Variants in TDRD5 observed in about 807,000 individuals in gnomAD.
TDRD5 encodes tudor domain containing 5.
Under a neutral mutation model 120.6 loss-of-function variants are expected in TDRD5, and 41 were observed. That is an observed-to-expected ratio of 0.34 (90% CI 0.26 to 0.44). The LOEUF (loss-of-function observed/expected upper bound fraction) is 0.44. TDRD5 is among the 20% of genes least tolerant of loss of function. TDRD5 has a pLI of 1.00. For missense variants in TDRD5, 1,006 were observed against 1,221.2 expected (o/e 0.82, Z 2.63); for synonymous variants, 430 against 433.7 (o/e 0.99, Z 0.11).
intron 15 of TDRD5, 27 bp downstream of exon 15, chr1:179,662,313 A>T (rs1304736182): frequency 6.3e-7 from 1 of 1,594,670 alleles, no homozygotes; most frequent in East Asian, 2.3e-5. Context: ...AATAGAAAGC[A>T]AATCAGGCCG....
intron 17 of TDRD5, among the ~76,000 whole-genome samples, chr1:179,683,920 C>T (rs1426065433): frequency 6.6e-6 from 1 of 152,098 alleles, no homozygotes; most frequent in Non-Finnish European, 1.5e-5. Context: ...AGACCAGCTA[C>T]GAGTACACAT....
intron 17 of TDRD5, among the ~76,000 whole-genome samples, chr1:179,678,085 A>G (rs934688445): frequency 2.7e-5 from 4 of 149,408 alleles, no homozygotes; most frequent in Admixed American, 1.3e-4. Flanking sequence ...TGCGGCTGCT[A>G]TGGGGGTGGG....
chr1:179,662,120 G>A lies in TDRD5; in HGVS notation c.2339G>A (p.Gly780Glu), dbSNP rs200481148. The A allele has an allele frequency of 4.5e-5, 71 of 1,577,674 alleles. No individual in the cohort carries two copies. Among genetic ancestry groups the A allele is most frequent in the Non-Finnish European group, 5.6e-5 (65 of 1,165,262 alleles). ...KEENEDEIPT[G>E]MPCLESVTIG... ...ACATTTTAGGATGAGATCCCCACTG[G>A]AATGCCATGCCTGGAGTCAGTGACC... Residue 780 changes from glycine (G) to glutamate (E), a missense_variant, in exon 15 of 18, where the codon GGA (glycine) becomes GAA (glutamate). Physicochemically the swap from Gly to Glu is moderately conservative, Grantham distance 98. Around this residue, in one of 3 missense-constraint regions of TDRD5, gnomAD observed 403 missense variants for 448.1 expected, o/e 0.90. Transcript: ENST00000444136.
At chr1:179,688,937 C>T (rs933119644) in intron 17 of TDRD5, among the ~76,000 whole-genome samples, 1 of 152,140 alleles carries the variant, frequency 6.6e-6, no homozygotes, top group African/African-American at 2.4e-5. Context: ...TTCTAGTTAG[C>T]CATTCATCTA....
chr1:179,631,266 C>T (rs925593924), intron 7 of TDRD5, among the ~76,000 whole-genome samples: 5 of 152,100 alleles, frequency 3.3e-5, no homozygotes, highest in South Asian at 2.1e-4. Context: ...GTGGTGGGCG[C>T]CTGTAGTCCC....
chr1:179,597,822 T>C (rs1219767632), intron 4 of TDRD5, among the ~76,000 whole-genome samples: 6 of 145,710 alleles, frequency 4.1e-5, no homozygotes, highest in East Asian at 1.9e-4. Context: ...CCTTATTAAT[T>C]TGGCACCTCC....
At chr1:179,620,904 C>A (rs946908454) in intron 5 of TDRD5, 131 bp from the exon 6 acceptor site, 393 of 586,880 alleles carry the variant, frequency 6.7e-4, no homozygotes, top group East Asian at 1.5e-3. Flanking sequence ...CAAAAAAAAA[C>A]AATTTAATAT....
At chr1:179,605,630 C>T (rs1266339995) in intron 4 of TDRD5, among the ~76,000 whole-genome samples, 2 of 152,154 alleles carry the variant, frequency 1.3e-5, no homozygotes, top group Non-Finnish European at 2.9e-5. Flanking sequence ...TCATCTGTCT[C>T]GTCTCTTAAT....
intron 4 of TDRD5, among the ~76,000 whole-genome samples, chr1:179,615,508 A>G (rs12038691): frequency 0.038 from 5,774 of 152,248 alleles, 173 homozygotes; most frequent in East Asian, 0.11. Context: ...CTATCTGAAT[A>G]TAGCATATTT....
chr1:179,650,138 C>T lies in TDRD5; in HGVS notation c.1801-729C>T, dbSNP rs144112181. ...TCCTGTTAGACCATCTGGTGGCTCA[C>T]GCCTGTAATCCTAGAACCTTGGGAG... On this transcript the variant is annotated intron_variant, in intron 11 of 17. Coordinates refer to ENST00000444136, the MANE Select transcript of TDRD5 (RefSeq NM_001199085.3). Among the ~76,000 whole-genome samples, 34 of 152,224 alleles carry T rather than the reference C, an allele frequency of 2.2e-4. No homozygotes were observed. In the East Asian group the frequency reaches 6.2e-3, roughly 28 times the overall value.
At position 179,690,995 on chromosome 1, in the gene TDRD5, G is replaced by C; in HGVS notation, c.*52G>C. 6.4e-7 allele frequency: 1 copy of C among 1,560,810 alleles called. No homozygotes were observed. The highest frequency in any genetic ancestry group is 8.6e-7 in the Non-Finnish European group (1 of 1,157,440). The stretch of plus-strand genomic sequence containing the variant: ...AGAATCCAGCCGCTTAGGCTTTGAT[G>C]AACTCCCAGGCCAAAATGAGGAGTT... On this transcript the variant is annotated 3_prime_UTR_variant, in exon 18 of 18. Coordinates refer to ENST00000444136, the MANE Select transcript of TDRD5 (RefSeq NM_001199085.3).
At chr1:179,663,847 G>T (rs901192851) in intron 16 of TDRD5, among the ~76,000 whole-genome samples, 1 of 152,114 alleles carries the variant, frequency 6.6e-6, no homozygotes, top group Non-Finnish European at 1.5e-5. Flanking sequence ...AGAAAATTGG[G>T]ATTTTCCTGT....
chr1:179,613,708 C>T (rs1214544972), intron 4 of TDRD5, among the ~76,000 whole-genome samples: 1 of 152,140 alleles, frequency 6.6e-6, no homozygotes, highest in Non-Finnish European at 1.5e-5. Context: ...GGCACTAATC[C>T]CATTCATGGG....
At chr1:179,652,329 CTCTT>C in intron 13 of TDRD5, 132 bp downstream of exon 13, 1 of 891,618 alleles carries the variant, frequency 1.1e-6, no homozygotes, top group South Asian at 1.9e-5. Flanking sequence ...AACAATTTGT[CTCTT>C]TATTTGCTGG....
chr1:179,597,545 C>A (rs12086806), intron 4 of TDRD5, among the ~76,000 whole-genome samples: 47 of 151,748 alleles, frequency 3.1e-4, no homozygotes, highest in African/African-American at 9.4e-4. Flanking sequence ...TTGGTCAGGC[C>A]GGTCTTGAAC....
At chr1:179,684,143 A>T (rs1368526006) in intron 17 of TDRD5, among the ~76,000 whole-genome samples, 6 of 152,110 alleles carry the variant, frequency 3.9e-5, no homozygotes, top group Non-Finnish European at 7.4e-5. Context: ...GTTGTGCTAC[A>T]CCCATTAACT....
intron 4 of TDRD5, among the ~76,000 whole-genome samples, chr1:179,609,396 T>G (rs1193294241): frequency 5.9e-5 from 9 of 152,208 alleles, no homozygotes; most frequent in Non-Finnish European, 1.3e-4. Context: ...TGACTGTGTT[T>G]TGACTGTGAC....
At chr1:179,605,935 C>A (rs113937096) in intron 4 of TDRD5, among the ~76,000 whole-genome samples, 128 of 152,110 alleles carry the variant, frequency 8.4e-4, no homozygotes, top group African/African-American at 3.0e-3. Context: ...TAGCAGTTTT[C>A]AATTCATTTG....
At chr1:179,609,409 A>G (rs879392328) in intron 4 of TDRD5, among the ~76,000 whole-genome samples, 4 of 152,190 alleles carry the variant, frequency 2.6e-5, no homozygotes, top group Non-Finnish European at 4.4e-5. Flanking sequence ...ACTGTGACTC[A>G]TCACATAAAG....
Sources: gnomAD v4.1 joint callset for allele counts (sites outside exome capture counted in the v4.1 genomes callset) on GRCh38, gnomAD v4.1.1 for gene constraint, gnomAD v4.1.1 regional missense constraint, MANE v1.5 for transcripts, NCBI Gene and HGNC (gene_info 2026-07-23, HGNC 2026-07-21) for gene names.